The following MARK1 variants were observed in gnomAD, a reference collection of about 807,000 sequenced individuals.
The protein encoded by MARK1 is microtubule affinity regulating kinase 1, also known as serine/threonine-protein kinase MARK1.
Under a neutral mutation model 96.3 loss-of-function variants are expected in MARK1, and 40 were observed. That is an observed-to-expected ratio of 0.42 (90% CI 0.32 to 0.54). The LOEUF (loss-of-function observed/expected upper bound fraction) is 0.54, where lower values mean the gene tolerates loss of function less well. MARK1 is among the 20% of genes least tolerant of loss of function. The pLI is 0.16. For missense variants in MARK1, 719 were observed against 984.6 expected, an observed-to-expected ratio of 0.73 and a Z score of 3.61; for synonymous variants, 317 against 341.2, an observed-to-expected ratio of 0.93 and a Z score of 0.78.
intron 1 of MARK1, among the ~76,000 whole-genome samples, chr1:220,574,473 C>T (rs1181800396): frequency 1.3e-5 from 2 of 152,156 alleles, no homozygotes; most frequent in African/African-American, 4.8e-5. Flanking sequence ...CAAACCTATC[C>T]TCAGACTCCT....
At chr1:220,603,231 AT>A (rs1388619373) in intron 5 of MARK1, among the ~76,000 whole-genome samples, 8 of 152,178 alleles carry the variant, frequency 5.3e-5, no homozygotes, top group African/African-American at 1.9e-4. Context: ...ATAATATTTT[AT>A]TTTTAAAATT....
rs1055874077 is a variant in MARK1 at position 220,662,997 on chromosome 1, G to A, written c.*831G>A. 3.3e-5 allele frequency: 5 copies of A among 152,594 alleles called. No individual in the cohort carries two copies. The highest frequency in any genetic ancestry group is 9.7e-5 in the African/African-American group (4 of 41,434). The allele number at this position is 152,594 out of a possible 1,614,324, so 9.5% of individuals were successfully genotyped here. On this transcript the variant is annotated 3_prime_UTR_variant, in exon 18 of 18. Coordinates refer to ENST00000366917, the MANE Select transcript of MARK1 (RefSeq NM_018650.5). ...TGGCTATTATAACATAAACTGTCAC[G>A]TAGGTTTGCTGCCTTCAGAATACCG...
At chr1:220,531,572 T>C (rs1660318706) in intron 1 of MARK1, among the ~76,000 whole-genome samples, 1 of 152,194 alleles carries the variant, frequency 6.6e-6, no homozygotes, top group African/African-American at 2.4e-5. Context: ...CACTAATATA[T>C]ATTCAGGATA....
chr1:220,545,510 C>T (rs1404751206), intron 1 of MARK1, among the ~76,000 whole-genome samples: 1 of 135,010 alleles, frequency 7.4e-6, no homozygotes, highest in Non-Finnish European at 1.5e-5. Context: ...GATCACAGCT[C>T]ACTGCAGTCT....
intron 9 of MARK1, among the ~76,000 whole-genome samples, chr1:220,619,988 G>A (rs1666963695): frequency 1.3e-5 from 2 of 152,176 alleles, no homozygotes; most frequent in African/African-American, 4.8e-5. Flanking sequence ...CCTGTGTACA[G>A]AGCTCTCAGG....
rs1237735514 is a variant in MARK1 at position 220,654,313 on chromosome 1, A to T, written c.1988+961A>T. On this transcript the variant is annotated intron_variant, in intron 16 of 17. Coordinates refer to ENST00000366917, the MANE Select transcript of MARK1 (RefSeq NM_018650.5). The surrounding 1 kb of genome is among the most constrained non-coding windows in gnomAD (Gnocchi z 4.0). ...AATAATTATACTTGCTTTAAGAAAT[A>T]CTAATTAAATACTTAGTTTCCAATG... Among the ~76,000 whole-genome samples the T allele has an allele frequency of 6.6e-6, 1 of 152,212 alleles. No homozygotes were observed. The highest frequency in any genetic ancestry group is 1.5e-5 in the Non-Finnish European group (1 of 68,040).
At position 220,662,408 on chromosome 1, in the gene MARK1, C is replaced by A. The variant is rs2103081902; in HGVS notation, c.*242C>A. The A allele has an allele frequency of 2.5e-6, 1 of 406,106 alleles. No individual in the cohort carries two copies. The highest frequency in any genetic ancestry group is 3.6e-5 in the East Asian group (1 of 27,936). 25.2% of individuals were successfully genotyped at this position (406,106 alleles called of 1,614,324 possible). A position where few individuals can be genotyped will look rare whatever the true frequency, so the allele number is the denominator to read the frequency against. On this transcript the variant is annotated 3_prime_UTR_variant, in exon 18 of 18. Transcript: ENST00000366917. Reference sequence around the variant, plus strand: ...GGTAAGTATATTGTGTATTTCTGTTCATTTTCTGTTCATAGAGTTGTATAA... The same window carrying A: ...GGTAAGTATATTGTGTATTTCTGTTAATTTTCTGTTCATAGAGTTGTATAA...
chr1:220,657,751 A>G (rs376385052), intron 16 of MARK1, 39 bp from the exon 17 acceptor site: 3 of 1,461,112 alleles, frequency 2.1e-6, no homozygotes, highest in Admixed American at 2.6e-5. Flanking sequence ...TATATTTTTT[A>G]CTTTTATCAT....
At chr1:220,656,155 G>A (rs1558328992) in intron 16 of MARK1, among the ~76,000 whole-genome samples, 1 of 152,146 alleles carries the variant, frequency 6.6e-6, no homozygotes, top group African/African-American at 2.4e-5. Flanking sequence ...AGCATGCTGT[G>A]CTGCATATGC....
Position 220,635,928 on chromosome 1 carries a change from G to T in MARK1, c.1372G>T (p.Ala458Ser). ...GAAAGAGGAGTGGGACAAAGATGTG[G>T]CTCGAAAACTTGGCAGCACAACAGT... ...EQKEEWDKDV[A>S]RKLGSTTVGS... is the part of the protein sequence containing the mutation. The change falls in exon 13 of 18, where the codon GCT becomes TCT. Residue 458 changes from alanine to serine, a missense_variant. Around this residue, in one of 4 missense-constraint regions of MARK1, gnomAD observed 501 missense variants for 588.3 expected, o/e 0.85. Transcript: ENST00000366917. The T allele has an allele frequency of 6.2e-7, 1 of 1,614,028 alleles. No homozygotes were observed. The highest frequency in any genetic ancestry group is 2.2e-5 in the East Asian group (1 of 44,874).
At chr1:220,541,204 A>T (rs1661122179) in intron 1 of MARK1, among the ~76,000 whole-genome samples, 1 of 152,116 alleles carries the variant, frequency 6.6e-6, no homozygotes, top group African/African-American at 2.4e-5. Context: ...AAGTGCTGGG[A>T]TGACAGGCAA....
At chr1:220,560,552 A>G (rs1201517527) in intron 1 of MARK1, among the ~76,000 whole-genome samples, 1 of 152,200 alleles carries the variant, frequency 6.6e-6, no homozygotes, top group Non-Finnish European at 1.5e-5. Flanking sequence ...GAGTTACTCA[A>G]ACATAAAAGC....
intron 3 of MARK1, among the ~76,000 whole-genome samples, chr1:220,597,590 A>G (rs76624540): frequency 4.6e-5 from 7 of 152,146 alleles, no homozygotes; most frequent in African/African-American, 1.4e-4. Context: ...GATAAAATGC[A>G]TATGTCTTAA....
At position 220,577,008 on chromosome 1, in the gene MARK1, A is replaced by G. The variant is rs550898115; in HGVS notation, c.52-2346A>G. On this transcript the variant is annotated intron_variant, in intron 1 of 17. Coordinates refer to ENST00000366917, the MANE Select transcript of MARK1 (RefSeq NM_018650.5). ...ATGCGGTGGCTTATGCCTATATCTC[A>G]GCACTTTGGGAGGCTGAGGTGGGAG... Among the ~76,000 whole-genome samples, 127 of 152,316 alleles carry G rather than the reference A, an allele frequency of 8.3e-4. 4 individuals carry two copies. In the South Asian group the frequency reaches 0.025, roughly 30 times the overall value.
chr1:220,651,950 T>C, intron 14 of MARK1, 36 bp from the exon 15 acceptor site: 3 of 1,454,854 alleles, frequency 2.1e-6, no homozygotes, highest in Non-Finnish European at 2.8e-6. Flanking sequence ...TTTCCTCTTT[T>C]TTTCCATGGT....
At chr1:220,650,280 C>T (rs1166789165) in intron 13 of MARK1, among the ~76,000 whole-genome samples, 2 of 152,182 alleles carry the variant, frequency 1.3e-5, no homozygotes, top group African/African-American at 2.4e-5. Flanking sequence ...TTGGCTTGCA[C>T]TCCTTGTTAC....
chr1:220,598,397 A>ATT lies in MARK1; in HGVS notation c.358+19_358+20dup, dbSNP rs751826874. The ATT allele has an allele frequency of 5.3e-5, 11 of 206,340 alleles. No individual in the cohort carries two copies. The highest frequency in any genetic ancestry group is 4.4e-4 in the South Asian group (5 of 11,294). 12.8% of individuals were successfully genotyped at this position (206,340 alleles called of 1,614,324 possible). A position where few individuals can be genotyped will look rare whatever the true frequency, so the allele number is the denominator to read the frequency against. ...TAATATAGGTATGAAATATATATATATTATATATATATATATATATAATTA... is the reference window on the plus strand; with the variant it reads ...TAATATAGGTATGAAATATATATATATTTTATATATATATATATATATAATTA... On this transcript the variant is annotated intron_variant, in intron 4 of 17. Coordinates refer to ENST00000366917, the MANE Select transcript of MARK1 (RefSeq NM_018650.5).
chr1:220,661,832 A>T lies in MARK1; in HGVS notation c.2054A>T (p.Lys685Ile), dbSNP rs1558332866. The change falls in exon 18 of 18, where the codon AAA becomes ATA. Residue 685 changes from lysine (K) to isoleucine (I), a missense_variant. Physicochemically the swap from Lys to Ile is moderately radical, Grantham distance 102. Transcript: ENST00000366917. Reference sequence around the variant, plus strand: ...TCCAGAAGTACATCAGGGGAACCAAAAGAAAGAGACAAGGAAGAGGGTAAA... The same window carrying T: ...TCCAGAAGTACATCAGGGGAACCAATAGAAAGAGACAAGGAAGAGGGTAAA... Reference protein sequence around the residue: ...DTSRSTSGEPKERDKEEGKDS... With the variant: ...DTSRSTSGEPIERDKEEGKDS... 9 of 1,608,858 alleles carry T rather than the reference A, an allele frequency of 5.6e-6. No homozygotes were observed. Among genetic ancestry groups the T allele is most frequent in the Non-Finnish European group, 7.6e-6 (9 of 1,176,790 alleles).
intron 13 of MARK1, among the ~76,000 whole-genome samples, chr1:220,649,587 CTT>C: frequency 6.6e-6 from 1 of 152,280 alleles, no homozygotes; most frequent in East Asian, 1.9e-4. Context: ...TGCTACCATA[CTT>C]TTATAGTTTT....
Sources: gnomAD v4.1 joint callset for allele counts (sites outside exome capture counted in the v4.1 genomes callset) on GRCh38, gnomAD v4.1.1 for gene constraint, gnomAD v4.1.1 regional missense constraint, Gnocchi (gnomAD v3.1) non-coding constraint, MANE v1.5 for transcripts, NCBI Gene and HGNC (gene_info 2026-07-23, HGNC 2026-07-21) for gene names.